The following ANKS6 variants were observed in gnomAD, a reference collection of about 807,000 sequenced individuals.
ANKS6 encodes ankyrin repeat and SAM domain-containing protein 6.
Under a neutral mutation model 77.9 loss-of-function variants are expected in ANKS6, and 47 were observed. The observed-to-expected ratio is 0.60, with a 90% CI of 0.48 to 0.77. The LOEUF is 0.77. Among genes scored for constraint, ANKS6 ranks in the 30% least tolerant of loss-of-function variants. ANKS6 has a pLI of 0.00. For missense variants in ANKS6, 1,150 were observed against 1,159.1 expected, an observed-to-expected ratio of 0.99 and a Z score of 0.11; for synonymous variants, 488 against 501.7, an observed-to-expected ratio of 0.97 and a Z score of 0.37.
At chr9:98,737,474 T>C (rs1334863398) in intron 14 of ANKS6, among the ~76,000 whole-genome samples, 2 of 150,832 alleles carry the variant, frequency 1.3e-5, no homozygotes, top group East Asian at 1.9e-4. Context: ...ACCACTTCTA[T>C]AATAGCTGCA....
At chr9:98,750,111 C>A (rs1832348139) in intron 13 of ANKS6, among the ~76,000 whole-genome samples, 1 of 152,174 alleles carries the variant, frequency 6.6e-6, no homozygotes, top group African/African-American at 2.4e-5. Context: ...ACTTTTAGAA[C>A]ATTTTCATCA....
rs1000204025 is a variant in ANKS6 at position 98,732,581 on chromosome 9, A to G, written c.*3938T>C. The G allele has an allele frequency of 4.7e-5, 73 of 1,550,374 alleles. No individual in the cohort carries two copies. The highest frequency in any genetic ancestry group is 7.1e-5 in the South Asian group (6 of 84,064). ...ACGTCAGGGCAGAAGGGAGAGAAGA[A>G]AGAGAGATGAGAGATGAAAGGATTT... is the stretch of plus-strand genomic sequence containing the variant. On this transcript the variant is annotated 3_prime_UTR_variant, in exon 15 of 15. Transcript: ENST00000353234.
intron 3 of ANKS6, 35 bp from the exon 4 acceptor site, chr9:98,784,192 G>C (rs1393056326): frequency 2.0e-6 from 3 of 1,493,430 alleles, no homozygotes; most frequent in African/African-American, 2.8e-5. Context: ...GTGAACTGTG[G>C]GCCTGGTACC....
chr9:98,759,111 C>A (rs1391844257), intron 11 of ANKS6, among the ~76,000 whole-genome samples: 2 of 151,942 alleles, frequency 1.3e-5, no homozygotes, highest in Non-Finnish European at 2.9e-5. Flanking sequence ...TCCATGGGAT[C>A]TGAAAAACAC....
In ANKS6 at chr9:98,736,485, A is replaced by G. The variant is rs1184560250; in HGVS notation, c.*34T>C. ...GCCACGTGAAGGGGTCCCGGGATTCAGAGAGCTCACGCTGGTGGCTGCGGG... is the reference window on the plus strand; with the variant it reads ...GCCACGTGAAGGGGTCCCGGGATTCGGAGAGCTCACGCTGGTGGCTGCGGG... On this transcript the variant is annotated 3_prime_UTR_variant, in exon 15 of 15. Coordinates refer to ENST00000353234, the MANE Select transcript of ANKS6 (RefSeq NM_173551.5). 2 of 1,578,084 alleles carry G rather than the reference A, an allele frequency of 1.3e-6. No individual in the cohort carries two copies. The highest frequency in any genetic ancestry group is 2.4e-5 in the South Asian group (2 of 85,038).
At position 98,796,474 on chromosome 9, in the gene ANKS6, C is replaced by T. The variant is rs1487517964; in HGVS notation, c.18G>A (p.Leu6=). 2 of 992,092 alleles carry T rather than the reference C, an allele frequency of 2.0e-6. No homozygotes were observed. The highest frequency in any genetic ancestry group is 2.4e-6 in the Non-Finnish European group (2 of 836,312). 61.5% of individuals were successfully genotyped at this position (992,092 alleles called of 1,614,324 possible). A position where few individuals can be genotyped will look rare whatever the true frequency, so the allele number is the denominator to read the frequency against. MGEGG[L]PPAFQLLLRA... is the part of the protein sequence containing the mutation. ...GCAGCAGCAGCTGGAAGGCCGGGGG[C>T]AGCCCGCCCTCGCCCATCGCCGCCG... The change falls in exon 1 of 15, where the codon CTG becomes CTA. Residue 6 remains leucine (L), a synonymous_variant. Coordinates refer to ENST00000353234, the MANE Select transcript of ANKS6 (RefSeq NM_173551.5).
chr9:98,784,200 A>G, intron 3 of ANKS6, 43 bp from the exon 4 acceptor site: 2 of 1,478,890 alleles, frequency 1.4e-6, no homozygotes, highest in African/African-American at 1.4e-5. Context: ...TGGGCCTGGT[A>G]CCATAGGCTG....
chr9:98,793,815 G>A (rs1459383708), intron 1 of ANKS6, among the ~76,000 whole-genome samples: 2 of 150,880 alleles, frequency 1.3e-5, no homozygotes, highest in Admixed American at 1.3e-4. Context: ...TTACAGGCGT[G>A]AGCCACCGCA....
intron 11 of ANKS6, among the ~76,000 whole-genome samples, chr9:98,766,140 T>C (rs1008677213): frequency 1.3e-5 from 2 of 152,200 alleles, no homozygotes; most frequent in African/African-American, 2.4e-5. Flanking sequence ...ACTATTAACA[T>C]TATGTTATAA....
Position 98,735,453 on chromosome 9 carries a change from T to G in ANKS6, c.*1066A>C. The G allele has an allele frequency of 8.3e-7, 1 of 1,208,104 alleles. No individual in the cohort carries two copies. Among genetic ancestry groups the G allele is most frequent in the Non-Finnish European group, 1.0e-6 (1 of 974,186 alleles). The allele number at this position is 1,208,104 out of a possible 1,614,324, so 74.8% of individuals were successfully genotyped here. A position where few individuals can be genotyped will look rare whatever the true frequency, so the allele number is the denominator to read the frequency against. On this transcript the variant is annotated 3_prime_UTR_variant, in exon 15 of 15. Coordinates refer to ENST00000353234, the MANE Select transcript of ANKS6 (RefSeq NM_173551.5). ...AAAAGTCAGGGCCCCTCTAATTTAA[T>G]AAAATATGATATGGTAGGAAACTAC...
intron 11 of ANKS6, among the ~76,000 whole-genome samples, chr9:98,761,842 T>C (rs1833028339): frequency 6.6e-6 from 1 of 152,216 alleles, no homozygotes; most frequent in African/African-American, 2.4e-5. Flanking sequence ...AATTAGGCAG[T>C]GTGAGCCTGC....
intron 8 of ANKS6, among the ~76,000 whole-genome samples, 160 bp downstream of exon 8, chr9:98,777,245 C>A (rs1833963793): frequency 6.6e-6 from 1 of 152,240 alleles, no homozygotes; most frequent in African/African-American, 2.4e-5. Context: ...TCTGTTCTGA[C>A]TCCTCAGTGC....
In ANKS6 at chr9:98,735,439, C is replaced by T. The variant is rs1831445552; in HGVS notation, c.*1080G>A. On this transcript the variant is annotated 3_prime_UTR_variant, in exon 15 of 15. Coordinates refer to ENST00000353234, the MANE Select transcript of ANKS6 (RefSeq NM_173551.5). ...AGCCAGTGGGTTTTAAAAGTCAGGG[C>T]CCCTCTAATTTAATAAAATATGATA... The T allele has an allele frequency of 8.4e-7, 1 of 1,192,858 alleles. No homozygotes were observed. The highest frequency in any genetic ancestry group is 1.0e-6 in the Non-Finnish European group (1 of 964,904). The allele number at this position is 1,192,858 out of a possible 1,614,324, so 73.9% of individuals were successfully genotyped here. A position where few individuals can be genotyped will look rare whatever the true frequency, so the allele number is the denominator to read the frequency against.
chr9:98,770,737 T>C (rs1420301765), intron 10 of ANKS6, among the ~76,000 whole-genome samples, 159 bp downstream of exon 10: 5 of 152,194 alleles, frequency 3.3e-5, no homozygotes, highest in Non-Finnish European at 7.4e-5. Flanking sequence ...AAACTCTGAA[T>C]TGGGAATTCA....
intron 13 of ANKS6, among the ~76,000 whole-genome samples, chr9:98,746,888 C>G (rs568079720): frequency 6.6e-6 from 1 of 152,360 alleles, no homozygotes; most frequent in African/African-American, 2.4e-5. Context: ...CAGCGCTTAT[C>G]TGGGAGATGG....
chr9:98,752,261 A>C (rs1014350418), intron 12 of ANKS6, among the ~76,000 whole-genome samples: 8 of 152,250 alleles, frequency 5.3e-5, no homozygotes, highest in Non-Finnish European at 1.0e-4. Flanking sequence ...TAAATGAAGG[A>C]GTGAGCTATG....
At chr9:98,785,016 C>T in intron 2 of ANKS6, 140 bp from the exon 3 acceptor site, 1 of 686,582 alleles carries the variant, frequency 1.5e-6, no homozygotes, top group Non-Finnish European at 2.5e-6. Context: ...ACGTAATGGA[C>T]AAATCCAGCA....
chr9:98,777,368 G>A lies in ANKS6; in HGVS notation c.1617+37C>T. The A allele has an allele frequency of 5.6e-6, 9 of 1,603,708 alleles. No homozygotes were observed. In the South Asian group the frequency reaches 9.9e-5, roughly 18 times the overall value. ...TAAATCAATCAACTGATGATTGCCG[G>A]AGACCTAAAATGCTTTTAGAAAAGC... is the stretch of plus-strand genomic sequence containing the variant. On this transcript the variant is annotated intron_variant, in intron 8 of 14. Transcript: ENST00000353234.
In ANKS6 at chr9:98,780,291, A is replaced by G. The variant is rs1588399891; in HGVS notation, c.1266T>C (p.Asn422=). 2 of 1,609,766 alleles carry G rather than the reference A, an allele frequency of 1.2e-6. No homozygotes were observed. The change falls in exon 6 of 15, where the codon AAT becomes AAC. Residue 422 remains asparagine, a synonymous_variant. Transcript: ENST00000353234. ...GGTGGCTCGGCCGGCCTTTGTCTTT[A>G]TTCACCTGCATGCAGACAGATGCCA... ...RLLASVCMQV[N]KDKGRPSHQP... is the part of the protein sequence containing the mutation.
Sources: allele counts gnomAD v4.1 joint callset (sites outside exome capture counted in the v4.1 genomes callset), GRCh38; gene constraint gnomAD v4.1.1; transcripts MANE v1.5; gene names NCBI Gene and HGNC (gene_info 2026-07-23, HGNC 2026-07-21).